Variants in SIPA1L2 observed in about 807,000 individuals in gnomAD.
The protein encoded by SIPA1L2 is signal induced proliferation associated 1 like 2.
SIPA1L2 carries 56 observed loss-of-function variants against 163.9 expected under a neutral mutation model. That is an observed-to-expected ratio of 0.34 (90% CI 0.28 to 0.43). The LOEUF is 0.43. SIPA1L2 is among the 20% of genes least tolerant of loss of function. The probability of loss-of-function intolerance (pLI) is 1.00; values close to 1 mark genes in which losing one functional copy is unlikely to be tolerated. For synonymous variants in SIPA1L2, 877 were observed against 865.7 expected, an observed-to-expected ratio of 1.01 and a Z score of -0.23; for missense variants, 1,974 against 2,193.5, an observed-to-expected ratio of 0.90 and a Z score of 2.00.
At chr1:232,507,072 A>G (rs2103029042) in intron 3 of SIPA1L2, among the ~76,000 whole-genome samples, 1 of 151,990 alleles carries the variant, frequency 6.6e-6, no homozygotes, top group Middle Eastern at 3.4e-3. Flanking sequence ...CTTTATTCAG[A>G]TTTCCTTAGT....
At chr1:232,436,667 A>G (rs900566672) in intron 15 of SIPA1L2, among the ~76,000 whole-genome samples, 4 of 152,152 alleles carry the variant, frequency 2.6e-5, no homozygotes, top group Non-Finnish European at 5.9e-5. Flanking sequence ...AGTTTGCAGA[A>G]TCTTTGTGTG....
chr1:232,409,417 G>A (rs188465779), intron 19 of SIPA1L2, among the ~76,000 whole-genome samples: 1 of 152,144 alleles, frequency 6.6e-6, no homozygotes, highest in Non-Finnish European at 1.5e-5. Context: ...GTGGAAAGCT[G>A]TCTCCAAAGA....
intron 2 of SIPA1L2, among the ~76,000 whole-genome samples, chr1:232,518,862 T>A (rs892747176): frequency 1.3e-5 from 2 of 152,178 alleles, no homozygotes; most frequent in African/African-American, 4.8e-5. Flanking sequence ...ATAAATATTA[T>A]TAAATTAACA....
chr1:232,410,315 T>C (rs1660875503), intron 19 of SIPA1L2, among the ~76,000 whole-genome samples: 1 of 152,166 alleles, frequency 6.6e-6, no homozygotes, highest in South Asian at 2.1e-4. Context: ...CAAATTGATA[T>C]AGCTTTTAAT....
chr1:232,564,657 T>C (rs565307127), intron 2 of SIPA1L2, among the ~76,000 whole-genome samples: 1 of 152,186 alleles, frequency 6.6e-6, no homozygotes, highest in Non-Finnish European at 1.5e-5. Flanking sequence ...AATTTAGCGT[T>C]TACTTTTCCT....
chr1:232,418,625 C>G (rs1227024110), intron 18 of SIPA1L2, among the ~76,000 whole-genome samples: 2 of 152,216 alleles, frequency 1.3e-5, no homozygotes, highest in Non-Finnish European at 2.9e-5. Context: ...GCTCTCGGAT[C>G]TGAGATGGTT....
chr1:232,594,022 T>A (rs184588094), intron 1 of SIPA1L2, among the ~76,000 whole-genome samples: 20 of 152,180 alleles, frequency 1.3e-4, no homozygotes, highest in Admixed American at 3.3e-4. Flanking sequence ...GACCCTCTAG[T>A]AATCTCTAAC....
At chr1:232,427,078 AAAG>A (rs774951932) in intron 17 of SIPA1L2, among the ~76,000 whole-genome samples, 2 of 152,250 alleles carry the variant, frequency 1.3e-5, no homozygotes, top group Admixed American at 6.5e-5. Context: ...TACATCATGA[AAAG>A]AAGGTGATTT....
At chr1:232,585,327 A>C (rs1660600052) in intron 1 of SIPA1L2, among the ~76,000 whole-genome samples, 1 of 152,214 alleles carries the variant, frequency 6.6e-6, no homozygotes, top group Admixed American at 6.5e-5. Context: ...TTTCTAGCTA[A>C]GTGCCTTTCT....
At chr1:232,590,920 C>T (rs1360615672) in intron 1 of SIPA1L2, among the ~76,000 whole-genome samples, 2 of 152,230 alleles carry the variant, frequency 1.3e-5, no homozygotes, top group South Asian at 2.1e-4. Context: ...AAGGACTGTG[C>T]TTTGTAAGAG....
At chr1:232,621,349 CCTT>C (rs1281424877) in intron 1 of SIPA1L2, among the ~76,000 whole-genome samples, 1 of 151,704 alleles carries the variant, frequency 6.6e-6, no homozygotes, top group Non-Finnish European at 1.5e-5. Flanking sequence ...TATGCACACA[CCTT>C]CTTTAGTTCC....
intron 18 of SIPA1L2, among the ~76,000 whole-genome samples, chr1:232,423,232 A>G (rs1207179691): frequency 6.6e-6 from 1 of 152,258 alleles, no homozygotes; most frequent in Non-Finnish European, 1.5e-5. Context: ...GATGTTCAGT[A>G]GGTTAGGTCG....
intron 19 of SIPA1L2, among the ~76,000 whole-genome samples, chr1:232,404,556 T>C (rs201659456): frequency 6.6e-6 from 1 of 152,328 alleles, no homozygotes; most frequent in East Asian, 1.9e-4. Flanking sequence ...GGGCTCAGTA[T>C]GTATAGCAGT....
chr1:232,442,641 A>C (rs1172788562), intron 12 of SIPA1L2, among the ~76,000 whole-genome samples: 9 of 152,158 alleles, frequency 5.9e-5, no homozygotes, highest in Non-Finnish European at 8.8e-5. Context: ...TGATAGAAAT[A>C]AGTAGAAGAA....
At chr1:232,559,018 T>C (rs187718504) in intron 2 of SIPA1L2, among the ~76,000 whole-genome samples, 50 of 152,336 alleles carry the variant, frequency 3.3e-4, no homozygotes, top group African/African-American at 8.9e-4. Flanking sequence ...TAAAATTCAC[T>C]TGATGTGTTA....
At chr1:232,500,328 C>T (rs1319937014) in intron 3 of SIPA1L2, among the ~76,000 whole-genome samples, 1 of 152,168 alleles carries the variant, frequency 6.6e-6, no homozygotes, top group Non-Finnish European at 1.5e-5. Flanking sequence ...TTAAGAAATA[C>T]ATTTTGTAAG....
chr1:232,573,525 G>C (rs1558278536), intron 2 of SIPA1L2, among the ~76,000 whole-genome samples: 1 of 152,192 alleles, frequency 6.6e-6, no homozygotes, highest in African/African-American at 2.4e-5. Flanking sequence ...CAAAGCTGGA[G>C]GACAAATGTC....
Position 232,521,678 on chromosome 1 carries a change from C to T in SIPA1L2, c.-269-6070G>A, listed in dbSNP as rs1276138481. Among the ~76,000 whole-genome samples the T allele has an allele frequency of 1.3e-5, 2 of 152,094 alleles. 1 individual carries two copies. Among genetic ancestry groups the T allele is most frequent in the African/African-American group, 4.8e-5 (2 of 41,408 alleles). On this transcript the variant is annotated intron_variant, in intron 2 of 22. Transcript: ENST00000674635. Reference sequence around the variant, plus strand: ...ACCAAAGTATCCCAAAGTCCTGAGTCGACACAGTATCATAACACATGCTTG... The same window carrying T: ...ACCAAAGTATCCCAAAGTCCTGAGTTGACACAGTATCATAACACATGCTTG...
chr1:232,505,718 G>A (rs547775052), intron 3 of SIPA1L2, among the ~76,000 whole-genome samples: 2 of 152,274 alleles, frequency 1.3e-5, no homozygotes, highest in African/African-American at 2.4e-5. Context: ...GTGTATCTGG[G>A]CAATTCCTCC....
Sources: allele counts gnomAD v4.1 joint callset (sites outside exome capture counted in the v4.1 genomes callset), GRCh38; gene constraint gnomAD v4.1.1; transcripts MANE v1.5; gene names NCBI Gene and HGNC (gene_info 2026-07-23, HGNC 2026-07-21).